GATB: variants seen among roughly 807,000 people sequenced by gnomAD.
The protein encoded by GATB is glutamyl-tRNA(Gln) amidotransferase subunit B, mitochondrial.
Under a neutral mutation model 62.3 loss-of-function variants are expected in GATB, and 39 were observed. The observed-to-expected ratio is 0.63, with a 90% CI of 0.48 to 0.82. GATB has a LOEUF of 0.82. Among genes scored for constraint, GATB ranks in the 40% least tolerant of loss-of-function variants. The probability of loss-of-function intolerance (pLI) is 0.00; values close to 1 mark genes in which losing one functional copy is unlikely to be tolerated. For synonymous variants in GATB, 276 were observed against 258.9 expected (o/e 1.07, Z -0.63); for missense variants, 670 against 684.0 (o/e 0.98, Z 0.23).
chr4:151,688,901 C>T, intron 9 of GATB, 138 bp from the exon 10 acceptor site: 1 of 711,386 alleles, frequency 1.4e-6, no homozygotes, highest in Non-Finnish European at 2.3e-6. Context: ...TGAGATGTCA[C>T]CAGAACATTC....
chr4:151,679,378 T>C (rs1308627627), intron 11 of GATB, among the ~76,000 whole-genome samples: 1 of 152,186 alleles, frequency 6.6e-6, no homozygotes, highest in Non-Finnish European at 1.5e-5. Flanking sequence ...ACCCTCCTTG[T>C]TGAGGACAGA....
intron 4 of GATB, 32 bp downstream of exon 4, chr4:151,716,844 A>G: frequency 6.3e-7 from 1 of 1,599,564 alleles, no homozygotes. Flanking sequence ...CTGAAGTAGG[A>G]AGGAGAAATA....
intron 2 of GATB, among the ~76,000 whole-genome samples, chr4:151,732,425 A>G (rs1044978127): frequency 5.9e-5 from 9 of 152,094 alleles, no homozygotes; most frequent in African/African-American, 1.9e-4. Flanking sequence ...CCTGCCCCCA[A>G]CCCTGTGCTC....
chr4:151,720,800 G>T (rs1044004292), intron 2 of GATB: 1 of 152,236 alleles, frequency 6.6e-6, no homozygotes, highest in East Asian at 1.9e-4. Flanking sequence ...TGGCTGAGAG[G>T]CGGCAAACAG....
chr4:151,748,038 T>C (rs1739637501), intron 2 of GATB, among the ~76,000 whole-genome samples: 2 of 152,142 alleles, frequency 1.3e-5, no homozygotes, highest in Admixed American at 6.5e-5. Flanking sequence ...GGAAGAACAT[T>C]CCATGCTCAT....
intron 8 of GATB, 141 bp from the exon 9 acceptor site, chr4:151,701,659 TTC>T: frequency 6.6e-6 from 4 of 605,328 alleles, no homozygotes; most frequent in Non-Finnish European, 1.0e-5. Flanking sequence ...ATTACGTCAA[TTC>T]TGTTTCCCAG....
At chr4:151,688,519 A>C in intron 10 of GATB, 111 bp downstream of exon 10, 15 of 981,776 alleles carry the variant, frequency 1.5e-5, no homozygotes, top group Non-Finnish European at 2.1e-5. Flanking sequence ...GTGTCATGTC[A>C]GGATATCCTG....
intron 2 of GATB, among the ~76,000 whole-genome samples, chr4:151,748,388 A>C (rs368107921): frequency 1.3e-5 from 2 of 152,226 alleles, no homozygotes; most frequent in South Asian, 2.1e-4. Flanking sequence ...CTTTGACAAA[A>C]CTGACAAAAA....
At chr4:151,741,748 C>G (rs1354825124) in intron 2 of GATB, among the ~76,000 whole-genome samples, 1 of 152,238 alleles carries the variant, frequency 6.6e-6, no homozygotes, top group African/African-American at 2.4e-5. Flanking sequence ...TGATTTCTCC[C>G]ACTAGAGCCA....
chr4:151,672,431 C>A (rs573846132), intron 12 of GATB, among the ~76,000 whole-genome samples: 1 of 152,136 alleles, frequency 6.6e-6, no homozygotes, highest in Non-Finnish European at 1.5e-5. Flanking sequence ...ACAACAGATT[C>A]GAAATGCCAA....
At chr4:151,754,884 C>G (rs1354472554) in intron 2 of GATB, among the ~76,000 whole-genome samples, 1 of 152,198 alleles carries the variant, frequency 6.6e-6, no homozygotes, top group Admixed American at 6.5e-5. Flanking sequence ...GTTGGCAGAT[C>G]ACTTAACTGG....
chr4:151,754,807 C>T (rs1367423040), intron 2 of GATB, among the ~76,000 whole-genome samples: 1 of 151,948 alleles, frequency 6.6e-6, no homozygotes, highest in East Asian at 1.9e-4. Context: ...CTAGTTTTTA[C>T]TGGTTTTCAT....
intron 2 of GATB, among the ~76,000 whole-genome samples, chr4:151,731,405 G>A (rs554703174): frequency 8.5e-5 from 13 of 152,296 alleles, no homozygotes; most frequent in South Asian, 8.3e-4. Context: ...ACGGAGTCTC[G>A]CTCACTCAGT....
chr4:151,717,095 A>T (rs1444127925), intron 3 of GATB, 21 bp from the exon 4 acceptor site: 1 of 1,611,170 alleles, frequency 6.2e-7, no homozygotes, highest in Non-Finnish European at 8.5e-7. Flanking sequence ...ACATAGGGTA[A>T]ACATAGTCAC....
At chr4:151,677,406 C>T (rs1190913550) in intron 11 of GATB, 2 of 152,216 alleles carry the variant, frequency 1.3e-5, no homozygotes, top group African/African-American at 4.8e-5. Context: ...GGACATGGAG[C>T]AACTGGAACC....
chr4:151,753,482 C>T (rs995779285), intron 2 of GATB, among the ~76,000 whole-genome samples: 1 of 152,208 alleles, frequency 6.6e-6, no homozygotes, highest in Non-Finnish European at 1.5e-5. Flanking sequence ...CTCTCACACA[C>T]TCTTGTCTCC....
chr4:151,706,513 T>C (rs1578913309), intron 6 of GATB, among the ~76,000 whole-genome samples: 1 of 152,252 alleles, frequency 6.6e-6, no homozygotes, highest in East Asian at 1.9e-4. Flanking sequence ...GACTCAAACC[T>C]TTCATGGCTT....
At position 151,703,602 on chromosome 4, in the gene GATB, G is replaced by A. The variant is rs898122916; in HGVS notation, c.1007+249C>T. The stretch of plus-strand genomic sequence containing the variant: ...CTATGACAACTTTGACACAGCAGTG[G>A]ATGAACAAGTTCTTCCAAAAGCTGA... On this transcript the variant is annotated intron_variant, in intron 8 of 12. Transcript: ENST00000263985. The A allele has an allele frequency of 1.1e-4, 57 of 541,086 alleles. 1 individual carries two copies. In the South Asian group the frequency reaches 1.2e-3, roughly 12 times the overall value. The allele number at this position is 541,086 out of a possible 1,614,324, so 33.5% of individuals were successfully genotyped here.
chr4:151,746,480 T>C (rs1232668475), intron 2 of GATB, among the ~76,000 whole-genome samples: 2 of 152,078 alleles, frequency 1.3e-5, no homozygotes, highest in African/African-American at 4.8e-5. Context: ...GATCTATAGG[T>C]GAATAATTAC....
Sources: gnomAD v4.1 joint callset for allele counts (sites outside exome capture counted in the v4.1 genomes callset) on GRCh38, gnomAD v4.1.1 for gene constraint, MANE v1.5 for transcripts, NCBI Gene and HGNC (gene_info 2026-07-23, HGNC 2026-07-21) for gene names.